The following WDFY3 variants were observed in gnomAD, a reference collection of about 807,000 sequenced individuals.
WDFY3 encodes WD repeat and FYVE domain-containing protein 3.
Under a neutral mutation model 409.6 loss-of-function variants are expected in WDFY3, and 66 were observed. That is an observed-to-expected ratio of 0.16 (90% CI 0.13 to 0.20). The LOEUF (loss-of-function observed/expected upper bound fraction) is 0.20, where lower values mean the gene tolerates loss of function less well. Among genes scored for constraint, WDFY3 ranks in the 10% least tolerant of loss-of-function variants. The pLI is 1.00. For synonymous variants in WDFY3, 1,521 were observed against 1,537.1 expected (o/e 0.99, Z 0.25); for missense variants, 3,031 against 4,298.1 (o/e 0.71, Z 8.24).
chr4:84,817,460 C>T lies in WDFY3; in HGVS notation c.1819G>A (p.Gly607Ser), dbSNP rs761963918. 7 of 1,613,630 alleles carry T rather than the reference C, an allele frequency of 4.3e-6. No homozygotes were observed. The highest frequency in any genetic ancestry group is 3.4e-6 in the Non-Finnish European group (4 of 1,179,802). ...VLSPNGDDDM[G>S]TLLGLMHSAP... ...GAATGCATTAGCCCCAGGAGAGTGC[C>T]CATGTCATCGTCCCCATTTGGGGAG... Residue 607 changes from glycine to serine, a missense_variant, in exon 13 of 68, where the codon GGC becomes AGC. Around this residue, in one of 16 missense-constraint regions of WDFY3, gnomAD observed 1,322 missense variants for 1,697.9 expected, o/e 0.78. Coordinates refer to ENST00000295888, the MANE Select transcript of WDFY3 (RefSeq NM_014991.6).
In WDFY3 at chr4:84,935,122, G is replaced by C. The variant is rs550924383; in HGVS notation, c.-225-2759C>G. Among the ~76,000 whole-genome samples the C allele has an allele frequency of 5.9e-5, 9 of 152,126 alleles. No homozygotes were observed. In the East Asian group the frequency reaches 1.7e-3, roughly 29 times the overall value. On this transcript the variant is annotated intron_variant, in intron 1 of 67. Coordinates refer to ENST00000295888, the MANE Select transcript of WDFY3 (RefSeq NM_014991.6). ...TCACAATTTAATTATCCGTTCTCTT[G>C]TCAATAGCTTATTTTCCCCTCCAAG...
intron 48 of WDFY3, among the ~76,000 whole-genome samples, chr4:84,718,032 G>A (rs1449960570): frequency 3.7e-5 from 5 of 133,640 alleles, no homozygotes; most frequent in African/African-American, 1.5e-4. Flanking sequence ...CACTCCAGCC[G>A]GGGTGACAGA....
intron 30 of WDFY3, among the ~76,000 whole-genome samples, chr4:84,772,025 T>C (rs187726502): frequency 6.2e-4 from 95 of 152,328 alleles, no homozygotes; most frequent in Non-Finnish European, 1.1e-3. Flanking sequence ...ACAGACATCA[T>C]GGAGAACCCC....
chr4:84,813,173 T>A (rs1752775820), intron 13 of WDFY3, among the ~76,000 whole-genome samples: 1 of 152,132 alleles, frequency 6.6e-6, no homozygotes, highest in Non-Finnish European at 1.5e-5. Flanking sequence ...GTCAGTTGAA[T>A]GGAGGCACTA....
At position 84,880,193 on chromosome 4, in the gene WDFY3, G is replaced by A. The variant is rs559512403; in HGVS notation, c.-32+16718C>T. 3.3e-5 allele frequency among the ~76,000 whole-genome samples: 5 copies of A among 152,218 alleles called. No individual in the cohort carries two copies. In the South Asian group the frequency reaches 1.0e-3, roughly 32 times the overall value. Reference sequence around the variant, plus strand: ...CAGCCAGGAATGAGGGTAGCCACTGGAAGATGAAAAAGGCAAGGAACAGAT... The same window carrying A: ...CAGCCAGGAATGAGGGTAGCCACTGAAAGATGAAAAAGGCAAGGAACAGAT... On this transcript the variant is annotated intron_variant, in intron 3 of 67. Coordinates refer to ENST00000295888, the MANE Select transcript of WDFY3 (RefSeq NM_014991.6).
chr4:84,750,623 T>C (rs1384345690), intron 36 of WDFY3, among the ~76,000 whole-genome samples: 2 of 152,230 alleles, frequency 1.3e-5, no homozygotes, highest in East Asian at 1.9e-4. Flanking sequence ...TTTATATGAA[T>C]TGGTCAAAAG....
At chr4:84,915,577 A>C (rs750493314) in intron 2 of WDFY3, among the ~76,000 whole-genome samples, 2 of 152,234 alleles carry the variant, frequency 1.3e-5, no homozygotes, top group Admixed American at 6.5e-5. Flanking sequence ...ATTCAAGCCA[A>C]GTTAAACTCA....
chr4:84,688,297 T>C, intron 61 of WDFY3, 32 bp from the exon 62 acceptor site: 1 of 1,598,790 alleles, frequency 6.3e-7, no homozygotes, highest in Non-Finnish European at 8.5e-7. Flanking sequence ...CAAAATCAGG[T>C]TGATCTCAGT....
intron 13 of WDFY3, 143 bp from the exon 14 acceptor site, chr4:84,810,487 A>G: frequency 4.5e-6 from 3 of 669,272 alleles, no homozygotes; most frequent in Non-Finnish European, 6.9e-6. Context: ...CCTATAAAGC[A>G]TATCAAATAG....
intron 27 of WDFY3, among the ~76,000 whole-genome samples, chr4:84,775,604 C>T (rs1745418585): frequency 6.6e-6 from 1 of 151,348 alleles, no homozygotes; most frequent in African/African-American, 2.4e-5. Flanking sequence ...AAGAAATGAC[C>T]AGATTTAGTG....
At chr4:84,910,797 C>G (rs931059283) in intron 2 of WDFY3, among the ~76,000 whole-genome samples, 3 of 152,060 alleles carry the variant, frequency 2.0e-5, no homozygotes, top group African/African-American at 7.2e-5. Flanking sequence ...TCCCTGGCTT[C>G]CAGGTTAAAG....
At position 84,820,119 on chromosome 4, in the gene WDFY3, C is replaced by T. The variant is rs773458595; in HGVS notation, c.1659G>A (p.Leu553=). The T allele has an allele frequency of 6.2e-7, 1 of 1,606,538 alleles. No homozygotes were observed. The highest frequency in any genetic ancestry group is 1.3e-5 in the African/African-American group (1 of 74,722). ...KHLALLVMET[L]TVLLQGSNTN... Reference sequence around the variant, plus strand: ...TGTTTGATCCTTGAAGAAGCACTGTCAAGGTCTCCATAACCAATAAAGCCA... The same window carrying T: ...TGTTTGATCCTTGAAGAAGCACTGTTAAGGTCTCCATAACCAATAAAGCCA... Residue 553 remains leucine, a synonymous_variant, in exon 12 of 68, where the codon TTG becomes TTA. Transcript: ENST00000295888.
At chr4:84,789,978 T>G in intron 21 of WDFY3, 71 bp from the exon 22 acceptor site, 1 of 1,483,234 alleles carries the variant, frequency 6.7e-7, no homozygotes, top group Non-Finnish European at 9.3e-7. Flanking sequence ...CATATCTAGA[T>G]CAGCATGTTT....
chr4:84,797,143 C>T (rs1749594445), intron 18 of WDFY3, among the ~76,000 whole-genome samples: 3 of 151,800 alleles, frequency 2.0e-5, no homozygotes, highest in Admixed American at 2.0e-4. Context: ...AATTTTAGAC[C>T]ATTAAAATGA....
intron 5 of WDFY3, chr4:84,844,316 G>A (rs1159004184): frequency 2.5e-6 from 1 of 397,064 alleles, no homozygotes; most frequent in East Asian, 7.6e-5. Flanking sequence ...TTTAATTAAT[G>A]AAGACACGAA....
At chr4:84,769,280 T>G (rs1744211435) in intron 30 of WDFY3, among the ~76,000 whole-genome samples, 1 of 152,194 alleles carries the variant, frequency 6.6e-6, no homozygotes. Flanking sequence ...TTGAAAGGAT[T>G]GACTCCAATT....
At chr4:84,895,768 T>C (rs540962325) in intron 3 of WDFY3, among the ~76,000 whole-genome samples, 1 of 152,250 alleles carries the variant, frequency 6.6e-6, no homozygotes, top group South Asian at 2.1e-4. Context: ...TTACAAGTAA[T>C]GCCACTGACA....
chr4:84,769,540 G>A (rs1002462660), intron 30 of WDFY3, among the ~76,000 whole-genome samples: 11 of 151,872 alleles, frequency 7.2e-5, no homozygotes, highest in African/African-American at 4.8e-5. Context: ...TCAGCCTCCC[G>A]AGTAGCTGGG....
At chr4:84,741,731 A>C (rs1464611712) in intron 38 of WDFY3, 30 bp downstream of exon 38, 1 of 1,550,990 alleles carries the variant, frequency 6.4e-7, no homozygotes, top group East Asian at 2.3e-5. Flanking sequence ...GAAAACATGT[A>C]CTCTACAACT....
Sources: gnomAD v4.1 joint callset for allele counts (sites outside exome capture counted in the v4.1 genomes callset) on GRCh38, gnomAD v4.1.1 for gene constraint, gnomAD v4.1.1 regional missense constraint, MANE v1.5 for transcripts, NCBI Gene and HGNC (gene_info 2026-07-23, HGNC 2026-07-21) for gene names.